Variants in BLOC1S5 observed in about 807,000 individuals in gnomAD.
BLOC1S5 encodes biogenesis of lysosome-related organelles complex 1 subunit 5.
A neutral mutation model predicts 24.3 loss-of-function variants in BLOC1S5; 27 were observed. That is an observed-to-expected ratio of 1.11 (90% CI 0.82 to 1.53). BLOC1S5 has a LOEUF of 1.53. Ranked by LOEUF, BLOC1S5 falls within the 40% of genes most tolerant of loss-of-function variation. BLOC1S5 has a pLI of 0.00. For synonymous variants in BLOC1S5, 84 were observed against 74.5 expected (o/e 1.13, Z -0.66); for missense variants, 239 against 229.4 (o/e 1.04, Z -0.27).
intron 3 of BLOC1S5, among the ~76,000 whole-genome samples, chr6:8,034,710 A>T (rs1182988861): frequency 6.6e-6 from 1 of 152,158 alleles, no homozygotes; most frequent in Non-Finnish European, 1.5e-5. Context: ...AACTAGTACA[A>T]CCACTGTGGA....
At chr6:8,048,787 C>T (rs9392954) in intron 2 of BLOC1S5, among the ~76,000 whole-genome samples, 61,231 of 150,930 alleles carry the variant, frequency 0.41, 14,145 homozygotes, top group East Asian at 0.78. Context: ...CTGAGGTGGG[C>T]GGATCACCTG....
chr6:8,046,179 G>C (rs1488809729), intron 2 of BLOC1S5, among the ~76,000 whole-genome samples: 1 of 152,132 alleles, frequency 6.6e-6, no homozygotes, highest in Non-Finnish European at 1.5e-5. Context: ...GAGATCTGAT[G>C]GGCTTATCAG....
intron 2 of BLOC1S5, among the ~76,000 whole-genome samples, chr6:8,042,691 G>A (rs563592759): frequency 6.6e-6 from 1 of 152,166 alleles, no homozygotes; most frequent in South Asian, 2.1e-4. Flanking sequence ...TTTATGTGTG[G>A]CCCAACACAA....
intron 4 of BLOC1S5, chr6:8,017,649 T>A (rs1762790628): frequency 6.6e-6 from 1 of 152,232 alleles, no homozygotes; most frequent in African/African-American, 2.4e-5. Context: ...GTGCTCTAAG[T>A]ACCCATGAAA....
At chr6:8,049,824 G>A (rs779607646) in intron 2 of BLOC1S5, among the ~76,000 whole-genome samples, 17 of 151,534 alleles carry the variant, frequency 1.1e-4, no homozygotes, top group Non-Finnish European at 2.2e-4. Context: ...CGATCCTCCC[G>A]CCTCAGCCCC....
chr6:8,034,094 A>G (rs1260906201), intron 3 of BLOC1S5, among the ~76,000 whole-genome samples: 1 of 152,236 alleles, frequency 6.6e-6, no homozygotes, highest in Non-Finnish European at 1.5e-5. Flanking sequence ...ATCTAGAACT[A>G]GAATTACCAT....
At chr6:8,024,546 T>C (rs1027863159) in intron 4 of BLOC1S5, among the ~76,000 whole-genome samples, 5 of 149,818 alleles carry the variant, frequency 3.3e-5, no homozygotes, top group East Asian at 2.0e-4. Flanking sequence ...GAAATGTACT[T>C]CATATTAAAT....
intron 2 of BLOC1S5, 31 bp downstream of exon 2, chr6:8,062,503 G>T (rs749069805): frequency 7.4e-7 from 1 of 1,346,342 alleles, no homozygotes; most frequent in Admixed American, 2.1e-5. Flanking sequence ...AATTAGGGAA[G>T]TACTTTTATA....
chr6:8,016,112 A>G (rs1334726529), intron 4 of BLOC1S5, among the ~76,000 whole-genome samples: 1 of 152,170 alleles, frequency 6.6e-6, no homozygotes, highest in Non-Finnish European at 1.5e-5. Flanking sequence ...GATCACCTCA[A>G]GTAAGGAGTT....
At chr6:8,017,150 A>G (rs893461697) in intron 4 of BLOC1S5, among the ~76,000 whole-genome samples, 1 of 152,232 alleles carries the variant, frequency 6.6e-6, no homozygotes, top group Non-Finnish European at 1.5e-5. Context: ...AAATCTAAAT[A>G]GAGTATGAAA....
rs1030783637 is a variant in BLOC1S5 at position 8,015,563 on chromosome 6, C to G, written c.*86G>C. 1.5e-6 allele frequency: 2 copies of G among 1,326,238 alleles called. No homozygotes were observed. Among genetic ancestry groups the G allele is most frequent in the African/African-American group, 1.5e-5 (1 of 67,702 alleles). 82.2% of individuals were successfully genotyped at this position (1,326,238 alleles called of 1,614,324 possible). ...ACTGAATATATTGCTAAGCTTGAAG[C>G]AGAGGCTAAACGGTCTGGTGGGAAT... On this transcript the variant is annotated 3_prime_UTR_variant, in exon 5 of 5. Transcript: ENST00000397457.
intron 3 of BLOC1S5, among the ~76,000 whole-genome samples, chr6:8,031,431 T>A (rs1763293005): frequency 6.6e-6 from 1 of 152,126 alleles, no homozygotes; most frequent in Admixed American, 6.6e-5. Context: ...GTGAAAGACC[T>A]CTACAAGGAA....
chr6:8,061,734 C>A (rs973228348), intron 2 of BLOC1S5, among the ~76,000 whole-genome samples: 1 of 152,206 alleles, frequency 6.6e-6, no homozygotes, highest in Admixed American at 6.5e-5. Flanking sequence ...TGTGCAACAC[C>A]ATTTACCATC....
chr6:8,062,339 C>T (rs990137353), intron 2 of BLOC1S5, among the ~76,000 whole-genome samples, 195 bp downstream of exon 2: 8 of 152,068 alleles, frequency 5.3e-5, no homozygotes. Flanking sequence ...GGCACCAGAA[C>T]TTATGTATCC....
intron 4 of BLOC1S5, among the ~76,000 whole-genome samples, chr6:8,023,060 C>T (rs1762980789): frequency 6.6e-6 from 1 of 152,094 alleles, no homozygotes; most frequent in African/African-American, 2.4e-5. Context: ...AAGTTGACAC[C>T]ACCTGTGCAT....
chr6:8,047,538 C>T (rs985429555), intron 2 of BLOC1S5, among the ~76,000 whole-genome samples: 4 of 152,110 alleles, frequency 2.6e-5, no homozygotes, highest in African/African-American at 7.2e-5. Context: ...ACAACCTAAA[C>T]GAGTTTTATA....
chr6:8,019,607 A>AGGG lies in BLOC1S5; in HGVS notation c.385-3782_385-3780dup, dbSNP rs34841856. On this transcript the variant is annotated intron_variant, in intron 4 of 4. Transcript: ENST00000397457. ...CTTTACAACAATCAGTAAAGAAAAA[A>AGGG]GGGGGGGGGGGCGCCTATACATTCA... Among the ~76,000 whole-genome samples, 46 of 145,758 alleles carry AGGG rather than the reference A, an allele frequency of 3.2e-4. No individual in the cohort carries two copies. The South Asian group carries it at 6.9e-3, about 22-fold the overall frequency.
At chr6:8,020,814 A>G (rs1356751615) in intron 4 of BLOC1S5, among the ~76,000 whole-genome samples, 2 of 152,228 alleles carry the variant, frequency 1.3e-5, no homozygotes, top group Non-Finnish European at 2.9e-5. Context: ...AAGTGGCTAA[A>G]GTTATAAGAG....
At chr6:8,036,196 C>T (rs917355877) in intron 3 of BLOC1S5, among the ~76,000 whole-genome samples, 2 of 151,866 alleles carry the variant, frequency 1.3e-5, no homozygotes, top group Non-Finnish European at 2.9e-5. Flanking sequence ...ACAACATACC[C>T]AAATCTATGG....
Sources: gnomAD v4.1 joint callset for allele counts (sites outside exome capture counted in the v4.1 genomes callset) on GRCh38, gnomAD v4.1.1 for gene constraint, MANE v1.5 for transcripts, NCBI Gene and HGNC (gene_info 2026-07-23, HGNC 2026-07-21) for gene names.